HSF5: variants seen among roughly 807,000 people sequenced by gnomAD.
HSF5 encodes the protein heat shock factor protein 5.
In HSF5, 5 loss-of-function variants were observed where a neutral mutation model predicts 50.8. The ratio of observed to expected loss-of-function variants is 0.10; its 90% CI spans 0.05 to 0.21. The LOEUF is 0.21. Ranked by LOEUF, HSF5 falls within the 10% of genes least tolerant of loss-of-function variation. The probability of loss-of-function intolerance (pLI) is 1.00; values close to 1 mark genes in which losing one functional copy is unlikely to be tolerated. For synonymous variants in HSF5, 307 were observed against 307.4 expected (o/e 1.00, Z 0.02); for missense variants, 564 against 762.6 (o/e 0.74, Z 3.07).
intron 2 of HSF5, chr17:58,476,912 T>G: frequency 1.1e-6 from 1 of 926,412 alleles, no homozygotes; most frequent in East Asian, 2.4e-5. Context: ...GTGGTTGGAG[T>G]TGAGCTCCTT....
intron 4 of HSF5, among the ~76,000 whole-genome samples, chr17:58,461,569 C>CA (rs1484090688): frequency 2.6e-5 from 4 of 151,948 alleles, no homozygotes; most frequent in Admixed American, 2.0e-4. Context: ...AATTCACACA[C>CA]AAAAAAAGAT....
At chr17:58,467,024 T>G (rs779042272) in intron 2 of HSF5, 45 bp from the exon 3 acceptor site, 1 of 1,243,600 alleles carries the variant, frequency 8.0e-7, no homozygotes. Flanking sequence ...CACAATACAT[T>G]TCTATAGCAT....
intron 5 of HSF5, among the ~76,000 whole-genome samples, chr17:58,454,258 A>T (rs370556236): frequency 5.7e-4 from 86 of 152,122 alleles, no homozygotes; most frequent in South Asian, 1.7e-3. Flanking sequence ...AATAAATAAA[A>T]AAATAAATAA....
chr17:58,470,383 A>G (rs994142869), intron 2 of HSF5, among the ~76,000 whole-genome samples: 14 of 152,226 alleles, frequency 9.2e-5, no homozygotes, highest in African/African-American at 3.4e-4. Context: ...GATGAATCTT[A>G]AAGACATTAA....
chr17:58,458,863 A>G lies in HSF5; in HGVS notation c.1625T>C (p.Met542Thr), dbSNP rs1171265511. ...TTCACTAGGCTTGCTAGCAGGCCCC[A>G]TTTCTGAAATGAGGAATCCCATCTG... is the stretch of plus-strand genomic sequence containing the variant. Reference protein sequence around the residue: ...SEQMGFLISEMGPASKPSEDT... With the variant: ...SEQMGFLISETGPASKPSEDT... Residue 542 changes from methionine to threonine, a missense_variant, in exon 5 of 6, where the codon ATG becomes ACG. Coordinates refer to ENST00000323777, the MANE Select transcript of HSF5 (RefSeq NM_001080439.3). 6.2e-7 allele frequency: 1 copy of G among 1,614,108 alleles called. No individual in the cohort carries two copies. Among genetic ancestry groups the G allele is most frequent in the Admixed American group, 1.7e-5 (1 of 60,024 alleles).
In HSF5 at chr17:58,463,293, A is replaced by C; in HGVS notation, c.1031T>G (p.Met344Arg). Residue 344 changes from methionine (M) to arginine (R), a missense_variant, in exon 4 of 6, where the codon ATG (methionine) becomes AGG (arginine). Transcript: ENST00000323777. Reference sequence around the variant, plus strand: ...AAATTCAACTGGATAGGAGGACTGCATTGAAGGATTCTGGGAAAAGAAAAA... The same window carrying C: ...AAATTCAACTGGATAGGAGGACTGCCTTGAAGGATTCTGGGAAAAGAAAAA... ...AHCNYFQNPS[M>R]QSSYPVEFLP... 1 of 1,610,160 alleles carries C rather than the reference A, an allele frequency of 6.2e-7. No homozygotes were observed. Among genetic ancestry groups the C allele is most frequent in the Non-Finnish European group, 8.5e-7 (1 of 1,177,380 alleles).
At chr17:58,460,606 T>C (rs1400750676) in intron 4 of HSF5, among the ~76,000 whole-genome samples, 2 of 150,746 alleles carry the variant, frequency 1.3e-5, no homozygotes, top group East Asian at 4.0e-4. Context: ...ACCTCCTGGG[T>C]TCATGCCATT....
chr17:58,449,794 C>T (rs1328587802), intron 5 of HSF5, among the ~76,000 whole-genome samples: 10 of 151,470 alleles, frequency 6.6e-5, no homozygotes, highest in Non-Finnish European at 7.4e-5. Context: ...GAGGCCGAGG[C>T]GGGCGGATCA....
chr17:58,440,739 C>T (rs954314478), intron 5 of HSF5, among the ~76,000 whole-genome samples: 9 of 152,040 alleles, frequency 5.9e-5, no homozygotes, highest in Non-Finnish European at 1.2e-4. Flanking sequence ...AAAATTTTGG[C>T]AGATAACTAG....
At chr17:58,431,433 C>T (rs1427964619) in intron 5 of HSF5, among the ~76,000 whole-genome samples, 2 of 152,122 alleles carry the variant, frequency 1.3e-5, no homozygotes, top group African/African-American at 2.4e-5. Context: ...TACAATCTTA[C>T]GGGACCACTG....
intron 2 of HSF5, among the ~76,000 whole-genome samples, chr17:58,467,924 A>G (rs1171277652): frequency 6.6e-6 from 1 of 152,226 alleles, no homozygotes; most frequent in Non-Finnish European, 1.5e-5. Flanking sequence ...TGTGGTTTAA[A>G]CAGAGGATGA....
intron 5 of HSF5, among the ~76,000 whole-genome samples, chr17:58,438,786 C>T (rs1325106300): frequency 6.6e-6 from 1 of 152,006 alleles, no homozygotes; most frequent in African/African-American, 2.4e-5. Flanking sequence ...GGTCATGAAT[C>T]CAACTGCTTC....
Position 58,462,997 on chromosome 17 carries a change from C to G in HSF5, c.1327G>C (p.Val443Leu), listed in dbSNP as rs1426073912. The part of the protein sequence containing the change: ...TPVGSDIMSF[V>L]VGTEQAVACS... The stretch of plus-strand genomic sequence containing the variant: ...GCAACTGCTTGTTCTGTTCCAACCA[C>G]AAAAGACATAATATCTGAGCCTACA... Residue 443 changes from valine (V) to leucine (L), a missense_variant, in exon 4 of 6, where the codon GTG (valine) becomes CTG (leucine). Val to Leu is a conservative substitution (Grantham distance 32). Transcript: ENST00000323777. The G allele has an allele frequency of 6.2e-7, 1 of 1,614,196 alleles. No individual in the cohort carries two copies. Among genetic ancestry groups the G allele is most frequent in the Admixed American group, 1.7e-5 (1 of 60,024 alleles).
Position 58,485,325 on chromosome 17 carries a change from AGAAT to A in HSF5, c.550+2396_550+2399del, listed in dbSNP as rs890637945. On this transcript the variant is annotated intron_variant, in intron 1 of 5. Transcript: ENST00000323777. ...TATTTACTCTCCTAGCTGAAGGTGA[AGAAT>A]GAATGAATGATTACACCCTGTTGGT... Among the ~76,000 whole-genome samples the A allele has an allele frequency of 3.3e-5, 5 of 152,190 alleles. 1 individual carries two copies. Among genetic ancestry groups the A allele is most frequent in the Admixed American group, 1.3e-4 (2 of 15,290 alleles).
At chr17:58,474,102 A>C (rs1342176157) in intron 2 of HSF5, among the ~76,000 whole-genome samples, 4 of 152,154 alleles carry the variant, frequency 2.6e-5, no homozygotes, top group Non-Finnish European at 5.9e-5. Flanking sequence ...CCTCGTGAGA[A>C]TGATACTCTA....
intron 5 of HSF5, among the ~76,000 whole-genome samples, chr17:58,448,776 A>G (rs1156361049): frequency 6.6e-6 from 1 of 152,248 alleles, no homozygotes; most frequent in Admixed American, 6.5e-5. Context: ...CGTTGATAAA[A>G]GTAAGCATAC....
rs143342020 is a variant in HSF5 at position 58,422,411 on chromosome 17, G to A, written c.1740C>T (p.Asp580=). 25 of 1,613,744 alleles carry A rather than the reference G, an allele frequency of 1.5e-5. No homozygotes were observed. Among genetic ancestry groups the A allele is most frequent in the Non-Finnish European group, 1.9e-5 (22 of 1,179,866 alleles). ...GAAAGCGCTCCTGCTTGCAGGCCACGTCCACCAGCAGATGAAGATCTAGAA... is the reference window on the plus strand; with the variant it reads ...GAAAGCGCTCCTGCTTGCAGGCCACATCCACCAGCAGATGAAGATCTAGAA... ...GKSPDLHLLV[D]VACKQERFPK... Residue 580 remains aspartate (D), a synonymous_variant, in exon 6 of 6, where the codon GAC becomes GAT. Transcript: ENST00000323777.
intron 5 of HSF5, among the ~76,000 whole-genome samples, chr17:58,449,668 C>T (rs1974606879): frequency 6.6e-6 from 1 of 150,708 alleles, no homozygotes; most frequent in African/African-American, 2.4e-5. Context: ...CCACTGCACT[C>T]CAGCCCAGGT....
At chr17:58,482,664 C>T (rs191816576) in intron 1 of HSF5, among the ~76,000 whole-genome samples, 1 of 130,444 alleles carries the variant, frequency 7.7e-6, no homozygotes, top group African/African-American at 2.9e-5. Flanking sequence ...GGGCTGAGAT[C>T]ACGCCACTGC....
Sources: allele counts gnomAD v4.1 joint callset (sites outside exome capture counted in the v4.1 genomes callset), GRCh38; gene constraint gnomAD v4.1.1; transcripts MANE v1.5; gene names NCBI Gene and HGNC (gene_info 2026-07-23, HGNC 2026-07-21).